Variants in RBFOX1 observed in about 807,000 individuals in gnomAD.
The protein encoded by RBFOX1 is RNA binding protein fox-1 homolog 1.
In RBFOX1, 8 loss-of-function variants were observed where a neutral mutation model predicts 57.7. The ratio of observed to expected loss-of-function variants is 0.14; its 90% CI spans 0.08 to 0.25. RBFOX1 has a LOEUF of 0.25. Among genes scored for constraint, RBFOX1 ranks in the 10% least tolerant of loss-of-function variants. The probability of loss-of-function intolerance (pLI) is 1.00; values close to 1 mark genes in which losing one functional copy is unlikely to be tolerated. For synonymous variants in RBFOX1, 326 were observed against 222.4 expected (o/e 1.47, Z -4.15); for missense variants, 611 against 548.5 (o/e 1.11, Z -1.14).
chr16:6,451,841 C>T (rs1388114142), intron 2 of RBFOX1, among the ~76,000 whole-genome samples: 1 of 151,700 alleles, frequency 6.6e-6, no homozygotes, highest in Non-Finnish European at 1.5e-5. Flanking sequence ...TGGCTCTTTC[C>T]TTCCATGGTT....
intron 2 of RBFOX1, among the ~76,000 whole-genome samples, chr16:6,539,311 C>G (rs554518163): frequency 6.6e-6 from 1 of 152,196 alleles, no homozygotes; most frequent in East Asian, 1.9e-4. Context: ...CCAAATAAAT[C>G]ATGGAATAGT....
At chr16:5,315,033 T>A (rs1177877241) in intron 1 of RBFOX1, among the ~76,000 whole-genome samples, 1 of 152,206 alleles carries the variant, frequency 6.6e-6, no homozygotes, top group Non-Finnish European at 1.5e-5. Flanking sequence ...GAGATGCCCT[T>A]GTGCCAGCTG....
chr16:7,321,133 A>C (rs930430175), intron 4 of RBFOX1, among the ~76,000 whole-genome samples: 1 of 148,794 alleles, frequency 6.7e-6, no homozygotes, highest in African/African-American at 2.4e-5. Context: ...ACATATACTT[A>C]TACTTATATT....
intron 4 of RBFOX1, among the ~76,000 whole-genome samples, chr16:7,154,555 C>T (rs1026000641): frequency 3.3e-5 from 5 of 152,142 alleles, no homozygotes; most frequent in African/African-American, 1.2e-4. Flanking sequence ...AGATAGTCTT[C>T]CTCTTGTTAA....
At chr16:7,415,852 C>G (rs575268610) in intron 4 of RBFOX1, among the ~76,000 whole-genome samples, 1 of 152,120 alleles carries the variant, frequency 6.6e-6, no homozygotes, top group Non-Finnish European at 1.5e-5. Flanking sequence ...CATCCTCTCC[C>G]GGGAAGATGG....
chr16:7,697,117 G>T (rs1380631252), intron 14 of RBFOX1, among the ~76,000 whole-genome samples: 1 of 152,172 alleles, frequency 6.6e-6, no homozygotes, highest in Admixed American at 6.5e-5. Flanking sequence ...CTGCTTTGTG[G>T]AGACCAAACT....
chr16:5,588,115 C>G (rs2046892539), intron 2 of RBFOX1, among the ~76,000 whole-genome samples: 1 of 152,076 alleles, frequency 6.6e-6, no homozygotes, highest in African/African-American at 2.4e-5. Context: ...CACAAAAGAC[C>G]ATAGATTGTG....
intron 2 of RBFOX1, among the ~76,000 whole-genome samples, chr16:6,377,109 CA>C (rs374326197): frequency 5.3e-5 from 8 of 150,184 alleles, no homozygotes; most frequent in Admixed American, 4.6e-4. Flanking sequence ...TCCATCCCTA[CA>C]AAAAAAAATT....
intron 4 of RBFOX1, among the ~76,000 whole-genome samples, chr16:6,001,071 G>A (rs1227723979): frequency 6.6e-6 from 1 of 152,234 alleles, no homozygotes. Flanking sequence ...ATGGACAGAT[G>A]GGTAGATATT....
intron 1 of RBFOX1, among the ~76,000 whole-genome samples, chr16:5,429,583 A>C (rs997356386): frequency 1.3e-5 from 2 of 152,154 alleles, no homozygotes; most frequent in African/African-American, 4.8e-5. Context: ...GCTGGCTCGC[A>C]GGTGGAATAG....
intron 4 of RBFOX1, among the ~76,000 whole-genome samples, chr16:7,513,873 G>C (rs1052581022): frequency 2.6e-5 from 4 of 152,170 alleles, no homozygotes; most frequent in Non-Finnish European, 5.9e-5. Flanking sequence ...TCTGCGGATG[G>C]AAAGTAAATT....
intron 4 of RBFOX1, among the ~76,000 whole-genome samples, chr16:5,950,791 G>C (rs1346410543): frequency 6.6e-6 from 1 of 152,120 alleles, no homozygotes; most frequent in Admixed American, 6.5e-5. Flanking sequence ...TCCCTTGAGG[G>C]TAGGATACCT....
intron 1 of RBFOX1, among the ~76,000 whole-genome samples, chr16:6,231,560 C>G (rs936075387): frequency 3.9e-5 from 6 of 152,196 alleles, no homozygotes; most frequent in East Asian, 1.9e-4. Flanking sequence ...GGCAAGGGCA[C>G]TCTGCCTGTC....
At chr16:7,018,926 C>T (rs558665108) in intron 3 of RBFOX1, among the ~76,000 whole-genome samples, 10 of 152,198 alleles carry the variant, frequency 6.6e-5, no homozygotes, top group Non-Finnish European at 1.2e-4. Flanking sequence ...CAAGACCAGC[C>T]TGGGCAACAC....
intron 1 of RBFOX1, among the ~76,000 whole-genome samples, chr16:6,277,864 G>A (rs1189342239): frequency 2.0e-5 from 3 of 151,998 alleles, no homozygotes; most frequent in African/African-American, 7.3e-5. Context: ...GATCTGCTGG[G>A]ATTGAGTCAT....
At chr16:7,088,595 G>A (rs192736310) in intron 4 of RBFOX1, among the ~76,000 whole-genome samples, 369 of 151,740 alleles carry the variant, frequency 2.4e-3, no homozygotes, top group Admixed American at 3.7e-3. Flanking sequence ...GTGGTAACCC[G>A]TAGTTATGAA....
intron 1 of RBFOX1, among the ~76,000 whole-genome samples, chr16:5,427,420 A>G (rs2067595037): frequency 6.6e-6 from 1 of 152,138 alleles, no homozygotes; most frequent in South Asian, 2.1e-4. Context: ...TCCTGTCTCT[A>G]CTAAAAATAC....
At position 7,352,498 on chromosome 16, in the gene RBFOX1, C is replaced by T. The variant is rs139838526; in HGVS notation, c.28-165649C>T. On this transcript the variant is annotated intron_variant, in intron 4 of 15. Transcript: ENST00000550418. ...TGGGTAAGAATCTGTCACCACTAAA[C>T]GCTTACTCCGGGCTGCCCATCACTG... is the stretch of plus-strand genomic sequence containing the variant. Among the ~76,000 whole-genome samples, 6 of 152,250 alleles carry T rather than the reference C, an allele frequency of 3.9e-5. No homozygotes were observed. In the Middle Eastern group the frequency reaches 0.014, roughly 345 times the overall value.
At chr16:6,938,101 C>T (rs1048437014) in intron 3 of RBFOX1, among the ~76,000 whole-genome samples, 2 of 152,036 alleles carry the variant, frequency 1.3e-5, no homozygotes, top group African/African-American at 2.4e-5. Flanking sequence ...ACTGCAATCA[C>T]ATACCTTAAA....
Sources: allele counts gnomAD v4.1 joint callset (sites outside exome capture counted in the v4.1 genomes callset), GRCh38; gene constraint gnomAD v4.1.1; transcripts MANE v1.5; gene names NCBI Gene and HGNC (gene_info 2026-07-23, HGNC 2026-07-21).